PRAG1: variants seen among roughly 807,000 people sequenced by gnomAD.
PRAG1 encodes the protein inactive tyrosine-protein kinase PRAG1.
Under a neutral mutation model 95.6 loss-of-function variants are expected in PRAG1, and 110 were observed. The observed-to-expected ratio is 1.15, with a 90% CI of 0.99 to 1.35. The LOEUF (loss-of-function observed/expected upper bound fraction) is 1.35, where lower values mean the gene tolerates loss of function less well. Among genes scored for constraint, PRAG1 ranks in the 40% most tolerant of loss-of-function variants. The probability of loss-of-function intolerance (pLI) is 0.00; values close to 1 mark genes in which losing one functional copy is unlikely to be tolerated. For missense variants in PRAG1, 2,554 were observed against 1,864.7 expected (o/e 1.37, Z -6.81); for synonymous variants, 1,052 against 819.4 (o/e 1.28, Z -4.85).
chr8:8,352,809 T>A (rs1197553414), intron 3 of PRAG1, among the ~76,000 whole-genome samples: 1 of 152,200 alleles, frequency 6.6e-6, no homozygotes, highest in Non-Finnish European at 1.5e-5. Flanking sequence ...GATTTTGTAC[T>A]TGCTTACAAA....
intron 3 of PRAG1, among the ~76,000 whole-genome samples, chr8:8,347,741 C>T (rs756521400): frequency 6.6e-5 from 10 of 152,124 alleles, no homozygotes; most frequent in African/African-American, 2.4e-4. Flanking sequence ...CTGACAAGAT[C>T]CCTGTGCTTG....
At position 8,381,438 on chromosome 8, in the gene PRAG1, G is replaced by A. The variant is rs757584425; in HGVS notation, c.310C>T (p.Leu104=). 4 of 1,609,918 alleles carry A rather than the reference G, an allele frequency of 2.5e-6. No individual in the cohort carries two copies. The highest frequency in any genetic ancestry group is 3.4e-6 in the Non-Finnish European group (4 of 1,176,508). ...CTCACCTGCGAGACTTCGGCACTCAGGTTGGCCTCTGTCCACACATCAGAG... is the reference window on the plus strand; with the variant it reads ...CTCACCTGCGAGACTTCGGCACTCAAGTTGGCCTCTGTCCACACATCAGAG... ...EASDVWTEAN[L]SAEVSQVIWR... Residue 104 remains leucine (L), a synonymous_variant, in exon 2 of 6, where the codon CTG becomes TTG. Transcript: ENST00000615670.
intron 3 of PRAG1, among the ~76,000 whole-genome samples, chr8:8,362,742 C>T (rs76060071): frequency 0.01 from 1,542 of 152,322 alleles, 22 homozygotes; most frequent in African/African-American, 0.032. Flanking sequence ...GCACACTGAA[C>T]GAAGAGACAC....
In PRAG1 at chr8:8,376,808, C is replaced by T. The variant is rs572456625; in HGVS notation, c.1601G>A (p.Ser534Asn). The change falls in exon 3 of 6, where the codon AGC becomes AAC. Residue 534 changes from serine to asparagine, a missense_variant. Coordinates refer to ENST00000615670, the MANE Select transcript of PRAG1 (RefSeq NM_001080826.3). ...GGGCCTCTCCTTGGGCTTGCTCTCG[C>T]TGGCACTGTGAGCATGGCTTTCCCT... The part of the protein sequence containing the change: ...SSRESHAHSA[S>N]ESKPKERPAI... 4 of 1,611,908 alleles carry T rather than the reference C, an allele frequency of 2.5e-6. No individual in the cohort carries two copies. The highest frequency in any genetic ancestry group is 1.3e-5 in the African/African-American group (1 of 75,060).
intron 4 of PRAG1, among the ~76,000 whole-genome samples, chr8:8,336,963 C>T (rs190411164): frequency 3.7e-5 from 5 of 134,464 alleles, no homozygotes; most frequent in Non-Finnish European, 6.2e-5. Flanking sequence ...TAGCCATTAA[C>T]GCTGATACAT....
rs1406247753 is a variant in PRAG1 at position 8,339,488 on chromosome 8, G to A, written c.2310C>T (p.Cys770=). The A allele has an allele frequency of 1.9e-6, 3 of 1,613,894 alleles. No homozygotes were observed. The Admixed American group carries it at 5.0e-5, about 27-fold the overall frequency. Residue 770 remains cysteine (C), a synonymous_variant, in exon 4 of 6, where the codon TGC becomes TGT. Coordinates refer to ENST00000615670, the MANE Select transcript of PRAG1 (RefSeq NM_001080826.3). ...TGTCAAGTTTGTTACCTCCATCGCT[G>A]CAGGTCCTAGAGTCTGAGGCCAGGC... The part of the protein sequence containing the change: ...TDSLASDSRT[C]SDGGPSSELA...
chr8:8,347,327 G>T (rs1475797469), intron 3 of PRAG1, among the ~76,000 whole-genome samples: 1 of 152,164 alleles, frequency 6.6e-6, no homozygotes, highest in Non-Finnish European at 1.5e-5. Context: ...CCAGCTCAGA[G>T]CTCTCTGTTT....
At chr8:8,372,076 G>A (rs1022218515) in intron 3 of PRAG1, among the ~76,000 whole-genome samples, 1 of 152,168 alleles carries the variant, frequency 6.6e-6, no homozygotes, top group African/African-American at 2.4e-5. Flanking sequence ...GCACTAACCA[G>A]ATGATTCTCT....
At chr8:8,358,057 C>T (rs554201493) in intron 3 of PRAG1, among the ~76,000 whole-genome samples, 2 of 152,148 alleles carry the variant, frequency 1.3e-5, no homozygotes, top group Non-Finnish European at 2.9e-5. Context: ...AAGACTTCCC[C>T]CTACTTCCAA....
intron 3 of PRAG1, among the ~76,000 whole-genome samples, chr8:8,372,799 A>C (rs937436617): frequency 6.6e-6 from 1 of 152,182 alleles, no homozygotes; most frequent in African/African-American, 2.4e-5. Flanking sequence ...TTTTCCCTCC[A>C]GGTCAGAATC....
chr8:8,332,906 G>A (rs1027459417), intron 4 of PRAG1, among the ~76,000 whole-genome samples: 3 of 150,708 alleles, frequency 2.0e-5, no homozygotes, highest in South Asian at 2.1e-4. Flanking sequence ...TGTTTGCAAC[G>A]GCTGCCACAC....
At chr8:8,373,028 A>T (rs555857599) in intron 3 of PRAG1, among the ~76,000 whole-genome samples, 1 of 152,162 alleles carries the variant, frequency 6.6e-6, no homozygotes, top group East Asian at 1.9e-4. Flanking sequence ...CTATTTCACA[A>T]ATGGGCCCAT....
intron 4 of PRAG1, among the ~76,000 whole-genome samples, chr8:8,334,971 T>TGAGGCAGGAGAATTGTTTG (rs1258333588): frequency 2.0e-5 from 3 of 151,696 alleles, no homozygotes; most frequent in Non-Finnish European, 4.4e-5. Flanking sequence ...TCCTAGCTGC[T>TGAGGCAGGAGAATTGTTTG]GAGGCAGGAG....
intron 2 of PRAG1, 89 bp from the exon 3 acceptor site, chr8:8,378,167 T>A: frequency 7.0e-7 from 1 of 1,433,078 alleles, no homozygotes; most frequent in Non-Finnish European, 9.3e-7. Context: ...AGGGCAACGA[T>A]ACTGTAGAAT....
chr8:8,328,384 A>C lies in PRAG1; in HGVS notation c.2398T>G (p.Ser800Ala). The change falls in exon 5 of 6, where the codon TCC (serine) becomes GCC (alanine). Residue 800 changes from serine to alanine, a missense_variant. By Grantham distance (99) the Ser-to-Ala change is moderately conservative. Coordinates refer to ENST00000615670, the MANE Select transcript of PRAG1 (RefSeq NM_001080826.3). The stretch of plus-strand genomic sequence containing the variant: ...CCACTGGGGGACACGTCCTCAGTGG[A>C]GCCTGAAGGAAACGGAACGGGAGCA... ...LFAPVPFPSGSTEDVSPSGPQ... is the reference protein window; with the variant it reads ...LFAPVPFPSGATEDVSPSGPQ... 6.2e-7 allele frequency: 1 copy of C among 1,613,590 alleles called. No homozygotes were observed. Among genetic ancestry groups the C allele is most frequent in the Non-Finnish European group, 8.5e-7 (1 of 1,179,920 alleles).
In PRAG1 at chr8:8,339,573, T is replaced by G; in HGVS notation, c.2225A>C (p.Glu742Ala). ...ACCCCTGAAGGATGGGCTGAGGCTT[T>G]CTGCAGAGCCCTGGCTCACTTTTTC... The part of the protein sequence containing the change: ...DLEKVSQGSA[E>A]SLSPSFRGVH... The change falls in exon 4 of 6, where the codon GAA (glutamate) becomes GCA (alanine). Residue 742 changes from glutamate (E) to alanine (A), a missense_variant. Coordinates refer to ENST00000615670, the MANE Select transcript of PRAG1 (RefSeq NM_001080826.3). 6.2e-7 allele frequency: 1 copy of G among 1,614,200 alleles called. No homozygotes were observed.
At chr8:8,369,012 T>C (rs1800105411) in intron 3 of PRAG1, among the ~76,000 whole-genome samples, 1 of 152,040 alleles carries the variant, frequency 6.6e-6, no homozygotes, top group African/African-American at 2.4e-5. Context: ...AAAGGATGCA[T>C]TGTGCCCACA....
chr8:8,328,215 A>T lies in PRAG1; in HGVS notation c.2567T>A (p.Val856Asp), dbSNP rs1201733519. The T allele has an allele frequency of 1.4e-5, 23 of 1,614,064 alleles. No individual in the cohort carries two copies. Among genetic ancestry groups the T allele is most frequent in the Non-Finnish European group, 1.9e-5 (23 of 1,180,036 alleles). The change falls in exon 5 of 6, where the codon GTC (valine) becomes GAC (aspartate). Residue 856 changes from valine to aspartate, a missense_variant. By Grantham distance (152) the Val-to-Asp change is radical. Coordinates refer to ENST00000615670, the MANE Select transcript of PRAG1 (RefSeq NM_001080826.3). ...ATAGCTAAAGTGAGATTCGTCGTGG[A>T]CGTTGGTTTCCGAGTGGCTTAGGTT... ...KLNLSHSETN[V>D]HDESHFSYSL...
At chr8:8,348,558 CTT>C (rs1050220476) in intron 3 of PRAG1, among the ~76,000 whole-genome samples, 28 of 152,124 alleles carry the variant, frequency 1.8e-4, no homozygotes, top group African/African-American at 6.8e-4. Flanking sequence ...GCAGGCTCGT[CTT>C]TGTCCTCTGA....
Sources: gnomAD v4.1 joint callset for allele counts (sites outside exome capture counted in the v4.1 genomes callset) on GRCh38, gnomAD v4.1.1 for gene constraint, MANE v1.5 for transcripts, NCBI Gene and HGNC (gene_info 2026-07-23, HGNC 2026-07-21) for gene names.